Variants in ZMAT4 observed in about 807,000 individuals in gnomAD.
ZMAT4 encodes the protein zinc finger matrin-type protein 4.
A neutral mutation model predicts 28.7 loss-of-function variants in ZMAT4; 17 were observed. The observed-to-expected ratio is 0.59, with a 90% CI of 0.41 to 0.89. ZMAT4 has a LOEUF of 0.89. ZMAT4 is among the 40% of genes least tolerant of loss of function. The pLI, the probability that ZMAT4 is intolerant of heterozygous loss-of-function variation, is 0.00. For synonymous variants in ZMAT4, 117 were observed against 109.2 expected, an observed-to-expected ratio of 1.07 and a Z score of -0.44; for missense variants, 240 against 283.8, an observed-to-expected ratio of 0.85 and a Z score of 1.11.
rs535406791 is a variant in ZMAT4, at chr8:40,542,902, G to A, written c.675-10664C>T. Among the ~76,000 whole-genome samples the A allele has an allele frequency of 2.6e-5, 4 of 152,204 alleles. No homozygotes were observed. The East Asian group carries it at 5.8e-4, about 22-fold the overall frequency. On this transcript the variant is annotated intron_variant, in intron 6 of 6. Transcript: ENST00000297737. ...TCTATTCAATGAAGAATTGGACCAGGCCATTCCCTAAGTTCCTTTCACCTC... is the reference window on the plus strand; with the variant it reads ...TCTATTCAATGAAGAATTGGACCAGACCATTCCCTAAGTTCCTTTCACCTC...
At chr8:40,825,030 G>T (rs1002723550) in intron 2 of ZMAT4, among the ~76,000 whole-genome samples, 1 of 152,184 alleles carries the variant, frequency 6.6e-6, no homozygotes. Flanking sequence ...AAGAGTATTT[G>T]CACTTTAAGA....
chr8:40,543,348 A>C (rs528900330), intron 6 of ZMAT4, among the ~76,000 whole-genome samples: 3 of 152,322 alleles, frequency 2.0e-5, no homozygotes, highest in African/African-American at 4.8e-5. Context: ...GTCTGGACGA[A>C]TACAAAGCAA....
intron 6 of ZMAT4, among the ~76,000 whole-genome samples, chr8:40,537,905 A>G (rs988950600): frequency 6.6e-6 from 1 of 152,170 alleles, no homozygotes; most frequent in African/African-American, 2.4e-5. Context: ...GGTTCTGGCT[A>G]CAGCTGAGGC....
intron 2 of ZMAT4, among the ~76,000 whole-genome samples, chr8:40,786,316 T>C (rs143184516): frequency 1.5e-4 from 23 of 152,296 alleles, no homozygotes; most frequent in Non-Finnish European, 3.1e-4. Context: ...CCTATTAATA[T>C]TCGTAGGCTT....
At chr8:40,806,705 A>G (rs113010596) in intron 2 of ZMAT4, among the ~76,000 whole-genome samples, 9 of 152,248 alleles carry the variant, frequency 5.9e-5, no homozygotes, top group African/African-American at 2.2e-4. Context: ...GTATTGCTAC[A>G]TACATCCTTC....
At chr8:40,896,070 C>CCA (rs397967217) in intron 1 of ZMAT4, among the ~76,000 whole-genome samples, 13 of 150,872 alleles carry the variant, frequency 8.6e-5, no homozygotes, top group African/African-American at 2.4e-4. Context: ...ACACCCCCCC[C>CCA]AAAAAAAAAG....
chr8:40,635,537 A>C (rs1806759574), intron 5 of ZMAT4, among the ~76,000 whole-genome samples: 1 of 152,212 alleles, frequency 6.6e-6, no homozygotes, highest in Admixed American at 6.5e-5. Flanking sequence ...CAAGATGCCC[A>C]ACCTCTGATG....
chr8:40,715,970 A>G (rs917767450), intron 3 of ZMAT4, among the ~76,000 whole-genome samples: 9 of 152,238 alleles, frequency 5.9e-5, no homozygotes, highest in Non-Finnish European at 1.3e-4. Flanking sequence ...TTATAACTTT[A>G]TCACCCCAAG....
intron 5 of ZMAT4, among the ~76,000 whole-genome samples, chr8:40,620,130 G>A (rs1299208807): frequency 6.6e-6 from 1 of 152,110 alleles, no homozygotes; most frequent in Non-Finnish European, 1.5e-5. Flanking sequence ...CCTGAAATAG[G>A]AGAGTATCTC....
intron 2 of ZMAT4, among the ~76,000 whole-genome samples, chr8:40,799,225 G>GGATGGATGGAGA (rs377302493): frequency 6.6e-6 from 1 of 150,618 alleles, no homozygotes; most frequent in South Asian, 2.1e-4. Flanking sequence ...ATGGATGGAT[G>GGATGGATGGAGA]GATAGATAGA....
intron 3 of ZMAT4, among the ~76,000 whole-genome samples, chr8:40,764,104 G>GA (rs984419849): frequency 6.6e-6 from 1 of 152,142 alleles, no homozygotes; most frequent in South Asian, 2.1e-4. Context: ...ATAAAAGGGT[G>GA]AAAAACGGAG....
chr8:40,890,840 C>T (rs1818642436), intron 1 of ZMAT4, among the ~76,000 whole-genome samples: 1 of 151,876 alleles, frequency 6.6e-6, no homozygotes, highest in African/African-American at 2.4e-5. Flanking sequence ...AGTTTTGCTA[C>T]CGTGGCTCCC....
chr8:40,621,395 A>C (rs1806191925), intron 5 of ZMAT4, among the ~76,000 whole-genome samples: 1 of 152,178 alleles, frequency 6.6e-6, no homozygotes, highest in Admixed American at 6.5e-5. Flanking sequence ...GAAATGACTG[A>C]GAGTAGGATA....
At chr8:40,768,090 A>G (rs1813237179) in intron 2 of ZMAT4, among the ~76,000 whole-genome samples, 1 of 152,212 alleles carries the variant, frequency 6.6e-6, no homozygotes, top group South Asian at 2.1e-4. Flanking sequence ...GATCTCTCTC[A>G]CTACTGCTGC....
intron 5 of ZMAT4, among the ~76,000 whole-genome samples, chr8:40,600,518 C>T (rs1007082848): frequency 1.3e-5 from 2 of 152,232 alleles, no homozygotes; most frequent in Non-Finnish European, 2.9e-5. Flanking sequence ...TCACCACATG[C>T]TCAGCCTCGC....
chr8:40,625,067 G>A (rs79072472), intron 5 of ZMAT4, among the ~76,000 whole-genome samples: 1 of 152,196 alleles, frequency 6.6e-6, no homozygotes, highest in African/African-American at 2.4e-5. Flanking sequence ...CATTTGAGTT[G>A]CAACCTGAAC....
Position 40,767,677 on chromosome 8 carries a change from A to G in ZMAT4, c.156T>C (p.Asp52=). Residue 52 remains aspartate (D), a synonymous_variant, in exon 3 of 7, where the codon GAT becomes GAC. Coordinates refer to ENST00000297737, the MANE Select transcript of ZMAT4 (RefSeq NM_024645.3). ...VRLYYMLHPR[D]GGCPAKRLRS... ...GGAGCCTCTTGGCAGGACACCCTCC[A>G]TCCCTGGGGTGAAGCATGTAATACA... 6.2e-7 allele frequency: 1 copy of G among 1,613,102 alleles called. No individual in the cohort carries two copies. Among genetic ancestry groups the G allele is most frequent in the South Asian group, 1.1e-5 (1 of 90,912 alleles).
intron 6 of ZMAT4, among the ~76,000 whole-genome samples, chr8:40,555,434 C>A (rs1803503888): frequency 6.6e-6 from 1 of 152,124 alleles, no homozygotes; most frequent in African/African-American, 2.4e-5. Context: ...GATTAACAAC[C>A]ACCATCACGA....
intron 2 of ZMAT4, among the ~76,000 whole-genome samples, chr8:40,769,673 A>T (rs1813309987): frequency 6.6e-6 from 1 of 152,228 alleles, no homozygotes; most frequent in Non-Finnish European, 1.5e-5. Flanking sequence ...TTGTTACCAT[A>T]GAGGAACTTC....
Sources: gnomAD v4.1 joint callset for allele counts (sites outside exome capture counted in the v4.1 genomes callset) on GRCh38, gnomAD v4.1.1 for gene constraint, MANE v1.5 for transcripts, NCBI Gene and HGNC (gene_info 2026-07-23, HGNC 2026-07-21) for gene names.